CCDC73: variants seen among roughly 807,000 people sequenced by gnomAD.
The protein encoded by CCDC73 is coiled-coil domain-containing protein 73.
Under a neutral mutation model 116.5 loss-of-function variants are expected in CCDC73, and 95 were observed. The ratio of observed to expected loss-of-function variants is 0.82; its 90% CI spans 0.69 to 0.97. CCDC73 has a LOEUF of 0.97. Ranked by LOEUF, CCDC73 falls within the 50% of genes least tolerant of loss-of-function variation. The pLI, the probability that CCDC73 is intolerant of heterozygous loss-of-function variation, is 0.00. For synonymous variants in CCDC73, 398 were observed against 401.3 expected, an observed-to-expected ratio of 0.99 and a Z score of 0.10; for missense variants, 1,066 against 1,206.8, an observed-to-expected ratio of 0.88 and a Z score of 1.73.
At chr11:32,813,422 A>C in the CCDC73 span, among the ~76,000 whole-genome samples, 1 of 151,974 alleles carries the variant, frequency 6.6e-6, no homozygotes, top group African/African-American at 2.4e-5. Flanking sequence ...ACATGCAATG[A>C]ATTTTTTAAT....
intron 14 of CCDC73, among the ~76,000 whole-genome samples, chr11:32,621,167 A>G (rs565973834): frequency 6.6e-6 from 1 of 152,314 alleles, no homozygotes; most frequent in Admixed American, 6.5e-5. Context: ...AATTTGAAAA[A>G]ACTACTTTAA....
chr11:32,802,636 A>G, the CCDC73 span, among the ~76,000 whole-genome samples: 24 of 152,382 alleles, frequency 1.6e-4, no homozygotes, highest in Admixed American at 8.5e-4. Flanking sequence ...CTAACAAGCA[A>G]TTCCTGGTGA....
chr11:32,614,563 G>C lies in CCDC73; in HGVS notation c.1755C>G (p.His585Gln). The C allele has an allele frequency of 6.2e-7, 1 of 1,612,304 alleles. No individual in the cohort carries two copies. The highest frequency in any genetic ancestry group is 8.5e-7 in the Non-Finnish European group (1 of 1,178,772). Residue 585 changes from histidine (H) to glutamine (Q), a missense_variant, in exon 16 of 18, where the codon CAC becomes CAG. Physicochemically the swap from His to Gln is conservative, Grantham distance 24. Transcript: ENST00000335185. ...SFNSILNETA[H>Q]NTYHNNNKDV... ...CTTTATTATTATTGTGATATGTATT[G>C]TGTGCTGTCTCATTTAAAATACTGT... is the stretch of plus-strand genomic sequence containing the variant.
At chr11:32,703,963 C>T (rs985424750) in intron 3 of CCDC73, among the ~76,000 whole-genome samples, 1 of 152,198 alleles carries the variant, frequency 6.6e-6, no homozygotes. Flanking sequence ...ATTGAGTTAG[C>T]AATTTTAAAA....
intron 14 of CCDC73, among the ~76,000 whole-genome samples, chr11:32,626,872 T>A (rs949961037): frequency 2.0e-5 from 3 of 152,168 alleles, no homozygotes; most frequent in Non-Finnish European, 2.9e-5. Flanking sequence ...ATAAAAACTC[T>A]AGAAGAAAGC....
At chr11:32,817,772 C>T in the CCDC73 span, among the ~76,000 whole-genome samples, 2 of 152,210 alleles carry the variant, frequency 1.3e-5, no homozygotes, top group Non-Finnish European at 2.9e-5. Context: ...CCTACCCATA[C>T]CCTATGATCC....
chr11:32,634,712 A>C (rs1159808284), intron 14 of CCDC73, among the ~76,000 whole-genome samples: 1 of 152,216 alleles, frequency 6.6e-6, no homozygotes, highest in Non-Finnish European at 1.5e-5. Context: ...AGAAAGTAAA[A>C]CTGTCTTAAA....
In CCDC73 at chr11:32,760,037, T is replaced by C. The variant is rs577122769; in HGVS notation, c.135+72A>G. ...AAGAGGGATTTTTTAGGCTTTTTAT[T>C]CTTTAAAAAACAATAAACTGAACAA... On this transcript the variant is annotated intron_variant, in intron 2 of 17. Coordinates refer to ENST00000335185, the MANE Select transcript of CCDC73 (RefSeq NM_001008391.4). 1.6e-5 allele frequency: 21 copies of C among 1,294,978 alleles called. No homozygotes were observed. In the African/African-American group the frequency reaches 3.0e-4, roughly 19 times the overall value. 80.2% of individuals were successfully genotyped at this position (1,294,978 alleles called of 1,614,324 possible). A position where few individuals can be genotyped will look rare whatever the true frequency, so the allele number is the denominator to read the frequency against.
intron 7 of CCDC73, chr11:32,680,174 C>A (rs1856130716): frequency 6.6e-6 from 1 of 152,054 alleles, no homozygotes; most frequent in Non-Finnish European, 1.5e-5. Context: ...TGACTATCAA[C>A]AAATGGTTTA....
At position 32,611,225 on chromosome 11, in the gene CCDC73, G is replaced by C. The variant is rs775855005; in HGVS notation, c.2937C>G (p.Asn979Lys). 83 of 1,613,156 alleles carry C rather than the reference G, an allele frequency of 5.1e-5. 1 individual carries two copies. The highest frequency in any genetic ancestry group is 3.3e-4 in the Middle Eastern group (2 of 6,078). Residue 979 changes from asparagine to lysine, a missense_variant, in exon 17 of 18, where the codon AAC (asparagine) becomes AAG (lysine). Physicochemically the swap from Asn to Lys is moderately conservative, Grantham distance 94 (BLOSUM62 0). Coordinates refer to ENST00000335185, the MANE Select transcript of CCDC73 (RefSeq NM_001008391.4). ...SINRVADTLNNWSIHPDPKGE... is the reference protein window; with the variant it reads ...SINRVADTLNKWSIHPDPKGE... ...CCTTGGGATCTGGATGGATACTCCA[G>C]TTATTCAAAGTGTCAGCAACTCTGT...
intron 12 of CCDC73, among the ~76,000 whole-genome samples, chr11:32,645,947 G>T (rs1432838130): frequency 6.6e-6 from 1 of 152,196 alleles, no homozygotes; most frequent in Non-Finnish European, 1.5e-5. Flanking sequence ...TATTTATAGT[G>T]TGTATAATAG....
intron 1 of CCDC73, among the ~76,000 whole-genome samples, chr11:32,767,021 TA>T: frequency 6.6e-6 from 1 of 152,336 alleles, no homozygotes; most frequent in East Asian, 1.9e-4. Context: ...AAGGCAATCC[TA>T]AGCCAAAAGA....
intron 13 of CCDC73, among the ~76,000 whole-genome samples, chr11:32,637,008 TTTC>T (rs1346396698): frequency 1.8e-5 from 2 of 108,620 alleles, no homozygotes; most frequent in Admixed American, 8.9e-5. Flanking sequence ...TGTTTCACTT[TTTC>T]TTTTTCTTTT....
chr11:32,622,428 A>G (rs1441973323), intron 14 of CCDC73, among the ~76,000 whole-genome samples: 1 of 152,042 alleles, frequency 6.6e-6, no homozygotes, highest in African/African-American at 2.4e-5. Flanking sequence ...CAAATACCGC[A>G]TGTTCTTATT....
chr11:32,647,059 T>A (rs899747332), intron 12 of CCDC73, among the ~76,000 whole-genome samples: 3 of 152,194 alleles, frequency 2.0e-5, no homozygotes, highest in African/African-American at 7.2e-5. Context: ...ATTATCCTAT[T>A]TGTTTTGTCT....
the CCDC73 span, among the ~76,000 whole-genome samples, chr11:32,822,329 G>A: frequency 0.87 from 133,027 of 152,238 alleles, 58,243 homozygotes; most frequent in East Asian, 0.99. Context: ...TGCTCACAAG[G>A]GTATCCTCAG....
chr11:32,653,839 T>A (rs1030609961), intron 11 of CCDC73, 139 bp downstream of exon 11: 1 of 964,870 alleles, frequency 1.0e-6, no homozygotes, highest in African/African-American at 1.7e-5. Flanking sequence ...TGAGACTGAT[T>A]TTAAAAAGTA....
intron 17 of CCDC73, among the ~76,000 whole-genome samples, chr11:32,609,926 C>G (rs1268997394): frequency 2.6e-5 from 4 of 151,144 alleles, no homozygotes; most frequent in African/African-American, 9.8e-5. Context: ...ACTACAGGTG[C>G]CTGTCACCAA....
chr11:32,715,558 T>C (rs941134635), intron 3 of CCDC73, among the ~76,000 whole-genome samples: 41 of 151,924 alleles, frequency 2.7e-4, no homozygotes, highest in Admixed American at 2.6e-3. Flanking sequence ...TGACTCTTCA[T>C]CAAGCAGCAT....
Sources: allele counts gnomAD v4.1 joint callset (sites outside exome capture counted in the v4.1 genomes callset), GRCh38; gene constraint gnomAD v4.1.1; transcripts MANE v1.5; gene names NCBI Gene and HGNC (gene_info 2026-07-23, HGNC 2026-07-21).